SLC35F4: variants seen among roughly 807,000 people sequenced by gnomAD.
The protein encoded by SLC35F4 is solute carrier family 35 member F4, also known as chromosome 14 open reading frame 36.
Under a neutral mutation model 44.2 loss-of-function variants are expected in SLC35F4, and 24 were observed. The observed-to-expected ratio is 0.54, with a 90% CI of 0.39 to 0.76. SLC35F4 has a LOEUF of 0.76. Ranked by LOEUF, SLC35F4 falls within the 30% of genes least tolerant of loss-of-function variation. SLC35F4 has a pLI of 0.00. For missense variants in SLC35F4, 562 were observed against 586.1 expected, an observed-to-expected ratio of 0.96 and a Z score of 0.42; for synonymous variants, 238 against 223.6, an observed-to-expected ratio of 1.06 and a Z score of -0.57.
intron 1 of SLC35F4, chr14:57,596,179 A>C (rs923143989): frequency 4.5e-5 from 7 of 155,400 alleles, no homozygotes; most frequent in South Asian, 2.0e-4. Context: ...ATGCACCCAT[A>C]CAAATAAAAT....
intron 1 of SLC35F4, among the ~76,000 whole-genome samples, chr14:57,641,875 G>A (rs920647314): frequency 6.6e-6 from 1 of 151,912 alleles, no homozygotes; most frequent in Non-Finnish European, 1.5e-5. Context: ...AGAGAGGTGG[G>A]TATAAGTAAC....
chr14:57,767,408 T>A (rs1187157087), intron 1 of SLC35F4, among the ~76,000 whole-genome samples: 1 of 152,196 alleles, frequency 6.6e-6, no homozygotes, highest in East Asian at 1.9e-4. Context: ...GAAAATGACA[T>A]AATCTCTAAA....
At chr14:57,729,796 G>C (rs1363128709) in intron 1 of SLC35F4, among the ~76,000 whole-genome samples, 1 of 152,142 alleles carries the variant, frequency 6.6e-6, no homozygotes, top group Non-Finnish European at 1.5e-5. Flanking sequence ...TTTCAGTCCT[G>C]TGTCCTAGAC....
intron 1 of SLC35F4, among the ~76,000 whole-genome samples, chr14:57,781,773 G>C (rs972063305): frequency 6.6e-6 from 1 of 152,090 alleles, no homozygotes; most frequent in African/African-American, 2.4e-5. Context: ...AAAATGAATG[G>C]AGCTGGAGGC....
At chr14:57,595,327 G>A (rs1283303055) in intron 1 of SLC35F4, among the ~76,000 whole-genome samples, 1 of 152,192 alleles carries the variant, frequency 6.6e-6, no homozygotes, top group Non-Finnish European at 1.5e-5. Flanking sequence ...TCATCATATA[G>A]TATCAGTCAT....
At chr14:57,741,861 TA>T (rs1254614704) in intron 1 of SLC35F4, among the ~76,000 whole-genome samples, 16 of 152,314 alleles carry the variant, frequency 1.1e-4, no homozygotes, top group African/African-American at 3.6e-4. Flanking sequence ...CCCAGCAGAC[TA>T]ACAGCAGATC....
chr14:57,796,745 T>G (rs980023809), intron 1 of SLC35F4, among the ~76,000 whole-genome samples: 1 of 152,156 alleles, frequency 6.6e-6, no homozygotes, highest in African/African-American at 2.4e-5. Context: ...CCATAGCAGA[T>G]GGAAGGAAAC....
chr14:57,926,731 G>C (rs529546455), intron 1 of SLC35F4, among the ~76,000 whole-genome samples: 33 of 150,308 alleles, frequency 2.2e-4, no homozygotes, highest in South Asian at 6.6e-4. Context: ...GGGTTGGGGG[G>C]GGGGGGTGGA....
Position 57,629,160 on chromosome 14 carries a change from G to A in SLC35F4, c.104-35036C>T, listed in dbSNP as rs147393816. Among the ~76,000 whole-genome samples, 4 of 152,220 alleles carry A rather than the reference G, an allele frequency of 2.6e-5. No individual in the cohort carries two copies. In the East Asian group the frequency reaches 7.7e-4, roughly 29 times the overall value. On this transcript the variant is annotated intron_variant, in intron 1 of 7. Transcript: ENST00000556826. Reference sequence around the variant, plus strand: ...CCTCTGACTTTGTTTTGAGTCTCCTGTTCTGTAGCACACACTCTGCTATGG... The same window carrying A: ...CCTCTGACTTTGTTTTGAGTCTCCTATTCTGTAGCACACACTCTGCTATGG...
chr14:57,631,225 G>C (rs2072755010), intron 1 of SLC35F4: 1 of 152,074 alleles, frequency 6.6e-6, no homozygotes, highest in Non-Finnish European at 1.5e-5. Context: ...CTGTCTTAGG[G>C]AATTATGCCA....
At chr14:57,787,086 A>C (rs1318061544) in intron 1 of SLC35F4, among the ~76,000 whole-genome samples, 1 of 152,190 alleles carries the variant, frequency 6.6e-6, no homozygotes, top group African/African-American at 2.4e-5. Context: ...AATTCGAGAA[A>C]CTTTGGATAC....
At chr14:57,813,841 G>A (rs933450694) in intron 1 of SLC35F4, among the ~76,000 whole-genome samples, 3 of 152,172 alleles carry the variant, frequency 2.0e-5, no homozygotes, top group Non-Finnish European at 4.4e-5. Flanking sequence ...ACCACAGGAA[G>A]GGAGAAAAAG....
rs114557508 is a variant in SLC35F4 at position 57,942,367 on chromosome 14, T to G, written n.282+39546A>C. 4.6e-3 allele frequency among the ~76,000 whole-genome samples: 704 copies of G among 152,344 alleles called. 4 individuals carry two copies. Among genetic ancestry groups the G allele is most frequent in the African/African-American group, 0.016 (673 of 41,582 alleles). On this transcript the variant is annotated intron_variant and non_coding_transcript_variant, in intron 1 of 1. Coordinates refer to the SLC35F4 transcript ENST00000556568. ...CCTAGGCCCTGATTCTAGGCTGAAT[T>G]CATTTTGTAACCCATCCAGTATCTC...
At chr14:57,825,083 A>T (rs548129169) in intron 1 of SLC35F4, among the ~76,000 whole-genome samples, 1 of 152,124 alleles carries the variant, frequency 6.6e-6, no homozygotes, top group East Asian at 1.9e-4. Flanking sequence ...ATATATTTTG[A>T]TGGTAGAACT....
chr14:57,759,167 T>C (rs566928240), intron 1 of SLC35F4, among the ~76,000 whole-genome samples: 2 of 152,314 alleles, frequency 1.3e-5, no homozygotes, highest in Admixed American at 6.5e-5. Context: ...CTCTTGGCAA[T>C]GGTGAATAAA....
chr14:57,671,952 C>T (rs1173962945), intron 1 of SLC35F4, among the ~76,000 whole-genome samples: 1 of 152,008 alleles, frequency 6.6e-6, no homozygotes, highest in South Asian at 2.1e-4. Flanking sequence ...GTCTGGCTTC[C>T]TGTGCTCCTA....
intron 1 of SLC35F4, among the ~76,000 whole-genome samples, chr14:57,826,249 G>A (rs1434370731): frequency 1.3e-5 from 2 of 151,986 alleles, no homozygotes; most frequent in African/African-American, 4.8e-5. Flanking sequence ...GCTCACAAAA[G>A]CAAGCAATGG....
intron 1 of SLC35F4, among the ~76,000 whole-genome samples, chr14:57,941,634 A>C (rs1370734087): frequency 6.6e-6 from 1 of 152,192 alleles, no homozygotes; most frequent in African/African-American, 2.4e-5. Flanking sequence ...GTTCAATATC[A>C]TGTATGTACT....
At chr14:57,760,399 T>C (rs930148444) in intron 1 of SLC35F4, among the ~76,000 whole-genome samples, 2 of 152,226 alleles carry the variant, frequency 1.3e-5, no homozygotes, top group African/African-American at 4.8e-5. Flanking sequence ...TGTCTGTTTT[T>C]ATGCCAATAC....
Sources: gnomAD v4.1 joint callset for allele counts (sites outside exome capture counted in the v4.1 genomes callset) on GRCh38, gnomAD v4.1.1 for gene constraint, MANE v1.5 for transcripts, NCBI Gene and HGNC (gene_info 2026-07-23, HGNC 2026-07-21) for gene names.